DHX35: variants seen among roughly 807,000 people sequenced by gnomAD.
DHX35 encodes the protein DEAH-box helicase 35.
DHX35 carries 84 observed loss-of-function variants against 99.6 expected under a neutral mutation model. That is an observed-to-expected ratio of 0.84 (90% CI 0.71 to 1.01). The LOEUF (loss-of-function observed/expected upper bound fraction) is 1.01. Among genes scored for constraint, DHX35 ranks in the 50% least tolerant of loss-of-function variants. The pLI, the probability that DHX35 is intolerant of heterozygous loss-of-function variation, is 0.00. For missense variants in DHX35, 852 were observed against 888.5 expected (o/e 0.96, Z 0.52); for synonymous variants, 331 against 316.2 (o/e 1.05, Z -0.50).
Position 39,034,299 on chromosome 20 carries a change from C to T in DHX35, c.2049C>T (p.His683=). The stretch of plus-strand genomic sequence containing the variant: ...CCTGGCTGTTGGAGCTGGCTCCACA[C>T]TTTTATCAACAAGGAACGGTAGGAA... ...ESAWLLELAP[H]FYQQGTHLSL... The change falls in exon 21 of 22, where the codon CAC becomes CAT. Residue 683 remains histidine, a synonymous_variant. Coordinates refer to ENST00000252011, the MANE Select transcript of DHX35 (RefSeq NM_021931.4). 6.2e-7 allele frequency: 1 copy of T among 1,613,888 alleles called. No homozygotes were observed. Among genetic ancestry groups the T allele is most frequent in the Non-Finnish European group, 8.5e-7 (1 of 1,179,778 alleles).
chr20:38,968,292 A>G (rs952766002), intron 1 of DHX35, among the ~76,000 whole-genome samples: 4 of 152,194 alleles, frequency 2.6e-5, no homozygotes, highest in African/African-American at 9.7e-5. Flanking sequence ...GGAACCTGCA[A>G]GACGTGCCAA....
intron 1 of DHX35, among the ~76,000 whole-genome samples, chr20:38,964,257 T>G (rs1296523265): frequency 6.6e-6 from 1 of 152,150 alleles, no homozygotes; most frequent in Non-Finnish European, 1.5e-5. Context: ...AGAATGGGAT[T>G]TGTGCCTTTA....
At chr20:38,970,242 G>T (rs1366231694) in intron 2 of DHX35, among the ~76,000 whole-genome samples, 1 of 152,196 alleles carries the variant, frequency 6.6e-6, no homozygotes, top group African/African-American at 2.4e-5. Flanking sequence ...TACTCATGGA[G>T]TTCTTTTGAC....
At chr20:38,995,431 G>A (rs2086413251) in intron 8 of DHX35, among the ~76,000 whole-genome samples, 1 of 152,072 alleles carries the variant, frequency 6.6e-6, no homozygotes, top group South Asian at 2.1e-4. Context: ...GGCTGAGGCA[G>A]GAGAATTGCT....
chr20:39,020,914 T>G (rs933307105), intron 15 of DHX35, among the ~76,000 whole-genome samples: 1 of 152,098 alleles, frequency 6.6e-6, no homozygotes, highest in African/African-American at 2.4e-5. Context: ...CTGCCCGCCT[T>G]GGCCTCCCAA....
chr20:39,010,950 A>G (rs1247214064), intron 13 of DHX35, among the ~76,000 whole-genome samples: 1 of 152,278 alleles, frequency 6.6e-6, no homozygotes, highest in Admixed American at 6.5e-5. Flanking sequence ...TGCTTTACCA[A>G]TGTCAACTCT....
intron 3 of DHX35, among the ~76,000 whole-genome samples, chr20:38,977,156 C>T (rs535881458): frequency 2.0e-5 from 3 of 152,116 alleles, no homozygotes; most frequent in South Asian, 4.1e-4. Context: ...TTTAATTTTT[C>T]GAGAAACCTC....
At chr20:39,007,733 C>G (rs999752447) in intron 12 of DHX35, among the ~76,000 whole-genome samples, 3 of 152,064 alleles carry the variant, frequency 2.0e-5, no homozygotes, top group African/African-American at 7.2e-5. Flanking sequence ...TTGGAACATT[C>G]ACAGAAGGGA....
chr20:38,981,240 TC>T (rs1371872648), intron 3 of DHX35, among the ~76,000 whole-genome samples: 1 of 152,204 alleles, frequency 6.6e-6, no homozygotes, highest in Non-Finnish European at 1.5e-5. Flanking sequence ...TTCTTCCAAC[TC>T]TCACCTACTA....
At chr20:39,023,795 G>A (rs751781839) in intron 17 of DHX35, 28 bp downstream of exon 17, 72 of 1,579,300 alleles carry the variant, frequency 4.6e-5, no homozygotes, top group Non-Finnish European at 5.9e-5. Context: ...TCGAAGTGCC[G>A]CCTCAACACA....
chr20:39,020,366 C>A (rs2086853879), intron 15 of DHX35, among the ~76,000 whole-genome samples: 2 of 152,190 alleles, frequency 1.3e-5, no homozygotes, highest in Admixed American at 6.5e-5. Context: ...TTTCTGCCAG[C>A]AGTACACGAG....
In DHX35 at chr20:38,991,464, A is replaced by G; in HGVS notation, c.461A>G (p.Asp154Gly). 6.2e-7 allele frequency: 1 copy of G among 1,613,382 alleles called. No homozygotes were observed. Among genetic ancestry groups the G allele is most frequent in the South Asian group, 1.1e-5 (1 of 90,918 alleles). Residue 154 changes from aspartate (D) to glycine (G), a missense_variant, in exon 6 of 22, where the codon GAT (aspartate) becomes GGT (glycine). Coordinates refer to ENST00000252011, the MANE Select transcript of DHX35 (RefSeq NM_021931.4). ...QLATRIKFLT[D>G]GMLVREMMVD... The stretch of plus-strand genomic sequence containing the variant: ...GTTTTTATTTTTTAGTTTCTTACTG[A>G]TGGAATGCTGGTCAGGGAAATGATG...
intron 3 of DHX35, chr20:38,978,367 A>G (rs1229287651): frequency 8.3e-6 from 6 of 722,458 alleles, no homozygotes; most frequent in Admixed American, 1.7e-5. Flanking sequence ...TTCACAACCA[A>G]AAAGATAGTT....
intron 8 of DHX35, among the ~76,000 whole-genome samples, chr20:39,000,298 G>T (rs1601408814): frequency 1.3e-5 from 2 of 152,316 alleles, no homozygotes; most frequent in African/African-American, 4.8e-5. Flanking sequence ...ATCTGCCTCA[G>T]GGATTATTTT....
intron 3 of DHX35, among the ~76,000 whole-genome samples, chr20:38,977,392 C>T (rs1192850779): frequency 6.6e-6 from 1 of 152,090 alleles, no homozygotes; most frequent in African/African-American, 2.4e-5. Flanking sequence ...CACTGTGCAT[C>T]TTCTTTTGAG....
chr20:39,003,512 C>T (rs2086558434), intron 10 of DHX35, among the ~76,000 whole-genome samples: 1 of 152,180 alleles, frequency 6.6e-6, no homozygotes, highest in Non-Finnish European at 1.5e-5. Context: ...CCATTCATTG[C>T]AGATCATACC....
In DHX35 at chr20:39,003,848, G is replaced by T. The variant is rs1402313179; in HGVS notation, c.952G>T (p.Gly318Ter). 6.2e-7 allele frequency: 1 copy of T among 1,614,186 alleles called. No homozygotes were observed. The highest frequency in any genetic ancestry group is 8.5e-7 in the Non-Finnish European group (1 of 1,180,046). Residue 318 changes from glycine (G) to a stop codon, truncating the protein, a stop_gained, in exon 11 of 22, where the codon GGA (glycine) becomes TGA (stop). Coordinates refer to ENST00000252011, the MANE Select transcript of DHX35 (RefSeq NM_021931.4). LOFTEE classifies it high-confidence loss of function. ...CCTCCGAGTTCTCCCCATGTATGCA[G>T]GACTGCCTTCCTTTGAGCAAATGAA... is the stretch of plus-strand genomic sequence containing the variant. ...RHLRVLPMYA[G>*]LPSFEQMKVF...
At chr20:39,014,387 G>A (rs1206991142) in intron 13 of DHX35, among the ~76,000 whole-genome samples, 1 of 152,168 alleles carries the variant, frequency 6.6e-6, no homozygotes, top group East Asian at 1.9e-4. Context: ...GACATATGTT[G>A]TAGTTTCCAG....
intron 17 of DHX35, 122 bp from the exon 18 acceptor site, chr20:39,025,108 C>A: frequency 8.3e-7 from 1 of 1,205,416 alleles, no homozygotes; most frequent in Non-Finnish European, 1.1e-6. Flanking sequence ...GGCCAGTTCC[C>A]ATCTTTAGAT....
Sources: gnomAD v4.1 joint callset for allele counts (sites outside exome capture counted in the v4.1 genomes callset) on GRCh38, gnomAD v4.1.1 for gene constraint, MANE v1.5 for transcripts, NCBI Gene and HGNC (gene_info 2026-07-23, HGNC 2026-07-21) for gene names.